Variants in MAP4K4 observed in about 807,000 individuals in gnomAD.
The protein encoded by MAP4K4 is HPK/GCK-like kinase HGK.
MAP4K4 carries 38 observed loss-of-function variants against 189.6 expected under a neutral mutation model. The observed-to-expected ratio is 0.20, with a 90% CI of 0.15 to 0.26. MAP4K4 has a LOEUF of 0.26. Ranked by LOEUF, MAP4K4 falls within the 10% of genes least tolerant of loss-of-function variation. MAP4K4 has a pLI of 1.00. For missense variants in MAP4K4, 1,054 were observed against 1,726.9 expected (o/e 0.61, Z 6.91); for synonymous variants, 610 against 624.3 (o/e 0.98, Z 0.34).
At chr2:101,867,295 C>A (rs760084118) in exon 20 of MAP4K4, 1 of 1,605,474 alleles carries the variant, frequency 6.2e-7, no homozygotes, top group East Asian at 2.2e-5. Flanking sequence ...AGTTTTCAGA[C>A]CCCTCAAGCC....
intron 2 of MAP4K4, among the ~76,000 whole-genome samples, chr2:101,760,299 G>A (rs1033128962): frequency 2.6e-5 from 4 of 151,730 alleles, no homozygotes; most frequent in African/African-American, 9.7e-5. Context: ...GACCGTCTTG[G>A]CCAACATGGT....
At chr2:101,854,816 CTG>C (rs1414849409) in intron 12 of MAP4K4, among the ~76,000 whole-genome samples, 1 of 152,146 alleles carries the variant, frequency 6.6e-6, no homozygotes, top group Non-Finnish European at 1.5e-5. Flanking sequence ...TATTGGCTCT[CTG>C]TGTCTGGGAA....
At chr2:101,771,016 C>T (rs2081183167) in intron 2 of MAP4K4, among the ~76,000 whole-genome samples, 1 of 152,188 alleles carries the variant, frequency 6.6e-6, no homozygotes, top group South Asian at 2.1e-4. Flanking sequence ...TCCCACTTAA[C>T]AGCCTCATGG....
chr2:101,849,161 C>T (rs929599179), intron 12 of MAP4K4, among the ~76,000 whole-genome samples: 5 of 152,158 alleles, frequency 3.3e-5, no homozygotes, highest in African/African-American at 9.7e-5. Flanking sequence ...TTTGCTGTGT[C>T]ACCCAGGCTG....
chr2:101,702,424 C>G (rs2039379726), intron 2 of MAP4K4, among the ~76,000 whole-genome samples: 1 of 151,950 alleles, frequency 6.6e-6, no homozygotes, highest in Non-Finnish European at 1.5e-5. Context: ...GAAAAATTAG[C>G]CGGGTGTAGT....
intron 7 of MAP4K4, among the ~76,000 whole-genome samples, chr2:101,833,233 T>C (rs1380612617): frequency 6.6e-6 from 1 of 152,214 alleles, no homozygotes; most frequent in African/African-American, 2.4e-5. Context: ...CAACTTTAAT[T>C]CCTTGGTTAA....
chr2:101,856,038 A>G (rs957597333), exon 13 of MAP4K4: 2 of 1,551,746 alleles, frequency 1.3e-6, no homozygotes, highest in Middle Eastern at 1.7e-4. Context: ...AGGAGAGAAC[A>G]AGAAGAAAAG....
chr2:101,697,745 G>T (rs1385469815), exon 1 of MAP4K4: 1 of 140,962 alleles, frequency 7.1e-6, no homozygotes, highest in East Asian at 2.3e-4. Flanking sequence ...CCACGCTCCG[G>T]GCCCGTCCTC....
intron 17 of MAP4K4, 133 bp downstream of exon 17, chr2:101,864,184 T>TA: frequency 5.2e-6 from 2 of 385,358 alleles, no homozygotes; most frequent in Non-Finnish European, 9.2e-6. Context: ...AGGGACTTTT[T>TA]ACTGGTGAGG....
At chr2:101,755,929 C>CTTTTTTTTTTTTTTTTTTTT (rs57392183) in intron 2 of MAP4K4, among the ~76,000 whole-genome samples, 2 of 57,742 alleles carry the variant, frequency 3.5e-5, no homozygotes, top group Non-Finnish European at 6.2e-5. Context: ...AGTTCTTTTT[C>CTTTTTTTTTTTTTTTTTTTT]TTTTTTTTTT....
chr2:101,874,602 C>T (rs769432178), intron 26 of MAP4K4, among the ~76,000 whole-genome samples: 2 of 152,118 alleles, frequency 1.3e-5, no homozygotes, highest in Non-Finnish European at 2.9e-5. Flanking sequence ...TACCCCTGAA[C>T]CCTGAGGTTG....
chr2:101,753,632 C>T (rs1332220827), intron 2 of MAP4K4, among the ~76,000 whole-genome samples: 3 of 151,598 alleles, frequency 2.0e-5, no homozygotes, highest in Non-Finnish European at 2.9e-5. Context: ...TTATGAATTA[C>T]CTTTCAGACA....
At chr2:101,835,657 C>T (rs1019703970) in intron 8 of MAP4K4, among the ~76,000 whole-genome samples, 1 of 152,184 alleles carries the variant, frequency 6.6e-6, no homozygotes, top group Admixed American at 6.5e-5. Flanking sequence ...TTTATGAAAA[C>T]TTTCCAATGT....
chr2:101,718,584 G>A (rs1477216849), intron 2 of MAP4K4, among the ~76,000 whole-genome samples: 1 of 121,628 alleles, frequency 8.2e-6, no homozygotes. Flanking sequence ...GGGGTGGGGG[G>A]GAGTGGAAGG....
Position 101,887,756 on chromosome 2 carries a change from G to A in MAP4K4, c.3772-22G>A, listed in dbSNP as rs760312744. ...GAAATAACCACAGACGTTCTTCCCT[G>A]TACTTTGTTCCTGTTCTCTAGATCC... On this transcript the variant is annotated intron_variant, in intron 30 of 32. Coordinates refer to ENST00000324219, the Ensembl canonical transcript of MAP4K4. The A allele has an allele frequency of 4.4e-6, 7 of 1,590,102 alleles. No homozygotes were observed. The Admixed American group carries it at 8.6e-5, about 20-fold the overall frequency.
chr2:101,832,165 A>G (rs1431021957), intron 7 of MAP4K4, among the ~76,000 whole-genome samples: 3 of 152,216 alleles, frequency 2.0e-5, no homozygotes, highest in African/African-American at 7.2e-5. Flanking sequence ...ATTAGAATCA[A>G]ATATTTATTC....
exon 33 of MAP4K4, chr2:101,892,844 A>G (rs542515185): frequency 1.1e-4 from 51 of 455,046 alleles, no homozygotes; most frequent in Non-Finnish European, 2.1e-4. Flanking sequence ...AAGCTCCCGT[A>G]AGGATATTAC....
rs146026990 is a variant in MAP4K4, at chr2:101,869,880, A to G, written c.2639+83A>G. ...ACTGGGACCTAGTTGTTCCTAGACTATTCCGTGACCCCATGAGCACTTACT... is the reference window on the plus strand; with the variant it reads ...ACTGGGACCTAGTTGTTCCTAGACTGTTCCGTGACCCCATGAGCACTTACT... On this transcript the variant is annotated intron_variant, in intron 22 of 32. Coordinates refer to ENST00000324219, the Ensembl canonical transcript of MAP4K4. 5.5e-6 allele frequency: 8 copies of G among 1,445,286 alleles called. No homozygotes were observed. The African/African-American group carries it at 1.0e-4, about 18-fold the overall frequency. 89.5% of individuals were successfully genotyped at this position (1,445,286 alleles called of 1,614,324 possible).
chr2:101,749,285 C>G (rs1394727754), intron 2 of MAP4K4, among the ~76,000 whole-genome samples: 31 of 151,120 alleles, frequency 2.1e-4, no homozygotes, highest in African/African-American at 7.0e-4. Flanking sequence ...GTAACCAAAA[C>G]AGCATGGTAC....
Sources: gnomAD v4.1 joint callset for allele counts (sites outside exome capture counted in the v4.1 genomes callset) on GRCh38, gnomAD v4.1.1 for gene constraint, MANE v1.5 for transcripts, NCBI Gene and HGNC (gene_info 2026-07-23, HGNC 2026-07-21) for gene names.